Variants in CCDC93 observed in about 807,000 individuals in gnomAD.
CCDC93 encodes CCC complex scaffolding subunit CCDC93, also known as coiled-coil domain-containing protein 93.
In CCDC93, 61 loss-of-function variants were observed where a neutral mutation model predicts 108.2. The observed-to-expected ratio is 0.56, with a 90% CI of 0.46 to 0.70. The LOEUF (loss-of-function observed/expected upper bound fraction) is 0.70, where lower values mean the gene tolerates loss of function less well. CCDC93 is among the 30% of genes least tolerant of loss of function. CCDC93 has a pLI of 0.00. For missense variants in CCDC93, 685 were observed against 764.2 expected, an observed-to-expected ratio of 0.90 and a Z score of 1.22; for synonymous variants, 276 against 260.4, an observed-to-expected ratio of 1.06 and a Z score of -0.58.
chr2:118,008,434 AAC>A (rs1008443172), intron 2 of CCDC93, 109 bp downstream of exon 2: 2 of 682,680 alleles, frequency 2.9e-6, no homozygotes, highest in Admixed American at 2.7e-5. Flanking sequence ...AAGAAATGGA[AAC>A]ACAGACATGG....
chr2:118,005,805 CTTTT>C (rs1298752705), intron 3 of CCDC93, among the ~76,000 whole-genome samples: 2 of 149,764 alleles, frequency 1.3e-5, no homozygotes, highest in Non-Finnish European at 3.0e-5. Context: ...GCATATGCTT[CTTTT>C]GTCAACAAGA....
At position 117,994,304 on chromosome 2, in the gene CCDC93, C is replaced by T. The variant is rs1680575410; in HGVS notation, c.519+1142G>A. Among the ~76,000 whole-genome samples, 3 of 152,170 alleles carry T rather than the reference C, an allele frequency of 2.0e-5. No homozygotes were observed. The South Asian group carries it at 6.2e-4, about 31-fold the overall frequency. On this transcript the variant is annotated intron_variant, in intron 6 of 23. Transcript: ENST00000376300. The stretch of plus-strand genomic sequence containing the variant: ...ATTTCACAACCAGGAAAGAAAATTA[C>T]TCTGAGGTCATATCATTTTTTCTTG...
rs182876691 is a variant in CCDC93 at position 117,954,117 on chromosome 2, C to T, written c.1006-1682G>A. ...AAGACAAGGCTCTAGGAAAGGTCCC[C>T]GGGATCTTCCCACCTGCTTCACCCA... On this transcript the variant is annotated intron_variant, in intron 12 of 23. Transcript: ENST00000376300. Among the ~76,000 whole-genome samples the T allele has an allele frequency of 3.7e-3, 557 of 152,270 alleles. 6 individuals are homozygous for T. Among genetic ancestry groups the T allele is most frequent in the African/African-American group, 0.013 (530 of 41,538 alleles).
chr2:117,992,451 C>G (rs1680502085), intron 6 of CCDC93, among the ~76,000 whole-genome samples: 1 of 152,086 alleles, frequency 6.6e-6, no homozygotes, highest in Non-Finnish European at 1.5e-5. Flanking sequence ...ACCATATTGG[C>G]CAGGCTGGTC....
At chr2:117,938,204 G>GA (rs1021742020) in intron 20 of CCDC93, among the ~76,000 whole-genome samples, 7 of 152,130 alleles carry the variant, frequency 4.6e-5, no homozygotes, top group South Asian at 2.1e-4. Flanking sequence ...TTACAGGTGA[G>GA]AAAAAAGAGG....
intron 11 of CCDC93, among the ~76,000 whole-genome samples, chr2:117,968,254 T>A (rs187836844): frequency 2.9e-4 from 44 of 152,326 alleles, no homozygotes; most frequent in Non-Finnish European, 5.0e-4. Context: ...TTCTTCTGGC[T>A]CCTATCAAGC....
chr2:117,944,630 T>C (rs1048346261), intron 17 of CCDC93: 6 of 444,802 alleles, frequency 1.3e-5, no homozygotes, highest in Admixed American at 1.2e-4. Flanking sequence ...GTAAGAGACA[T>C]GGCTGGATGG....
chr2:117,980,938 G>C (rs371123948), intron 7 of CCDC93, among the ~76,000 whole-genome samples: 6 of 152,146 alleles, frequency 3.9e-5, no homozygotes, highest in Non-Finnish European at 8.8e-5. Flanking sequence ...TCATAGAAAT[G>C]AAATCACTCA....
At chr2:117,988,433 G>A (rs866802746) in intron 6 of CCDC93, among the ~76,000 whole-genome samples, 11 of 152,150 alleles carry the variant, frequency 7.2e-5, no homozygotes, top group African/African-American at 2.7e-4. Context: ...AATGGAGCAG[G>A]CAGTGAAACA....
At chr2:117,977,510 C>T (rs1411190114) in intron 8 of CCDC93, among the ~76,000 whole-genome samples, 4 of 152,196 alleles carry the variant, frequency 2.6e-5, no homozygotes, top group African/African-American at 9.7e-5. Flanking sequence ...CATTAATAAA[C>T]ACATAAATTA....
intron 17 of CCDC93, 151 bp from the exon 18 acceptor site, chr2:117,944,237 C>A: frequency 1.8e-6 from 1 of 568,376 alleles, no homozygotes; most frequent in Middle Eastern, 3.1e-4. Flanking sequence ...CTGTCTGGGT[C>A]CTGTCTCATA....
chr2:118,004,693 T>G lies in CCDC93; in HGVS notation c.251+2029A>C, dbSNP rs1433374257. 3.3e-5 allele frequency among the ~76,000 whole-genome samples: 5 copies of G among 152,172 alleles called. No individual in the cohort carries two copies. The East Asian group carries it at 9.6e-4, about 29-fold the overall frequency. ...CATGTCTTCTACAGATAATAAAGAA[T>G]GAGCTACCTGATGCACTGCTGACTC... On this transcript the variant is annotated intron_variant, in intron 3 of 23. Transcript: ENST00000376300.
chr2:118,002,567 A>G (rs890144579), intron 3 of CCDC93, among the ~76,000 whole-genome samples: 1 of 152,216 alleles, frequency 6.6e-6, no homozygotes, highest in South Asian at 2.1e-4. Flanking sequence ...TGTCAGATCC[A>G]ATGTGTTAAT....
chr2:117,933,927 A>C (rs1228088231), intron 22 of CCDC93: 1 of 152,044 alleles, frequency 6.6e-6, no homozygotes, highest in Non-Finnish European at 1.5e-5. Flanking sequence ...CAGACCAGAG[A>C]AAGAGAGCCC....
intron 4 of CCDC93, chr2:117,998,081 C>T (rs1046911730): frequency 6.6e-6 from 1 of 152,210 alleles, no homozygotes; most frequent in Non-Finnish European, 1.5e-5. Context: ...TTCCCTAGCA[C>T]TCAAGAAAAA....
At chr2:117,924,046 C>T (rs1677986383) in intron 23 of CCDC93, among the ~76,000 whole-genome samples, 1 of 152,200 alleles carries the variant, frequency 6.6e-6, no homozygotes, top group Non-Finnish European at 1.5e-5. Context: ...CAGCAAACTC[C>T]AACAGACCTG....
At position 117,977,930 on chromosome 2, in the gene CCDC93, C is replaced by T. The variant is rs17047608; in HGVS notation, c.657+64G>A. ...TGCTGCCCGGCTTGTGAGTGTTAGT[C>T]AGAGGTGAAGGGAGTCACTTCCATC... On this transcript the variant is annotated intron_variant, in intron 8 of 23. Transcript: ENST00000376300. The T allele has an allele frequency of 3.2e-6, 4 of 1,255,482 alleles. No homozygotes were observed. In the Admixed American group the frequency reaches 7.2e-5, roughly 22 times the overall value. The allele number at this position is 1,255,482 out of a possible 1,614,324, so 77.8% of individuals were successfully genotyped here.
chr2:117,951,600 G>A (rs1558779180), intron 13 of CCDC93: 11 of 1,000,046 alleles, frequency 1.1e-5, no homozygotes, highest in African/African-American at 1.7e-5. Context: ...CAGGAAGTAC[G>A]AGGTAGGGAC....
At chr2:117,944,246 T>C (rs1678798402) in intron 17 of CCDC93, among the ~76,000 whole-genome samples, 160 bp from the exon 18 acceptor site, 1 of 152,234 alleles carries the variant, frequency 6.6e-6, no homozygotes, top group African/African-American at 2.4e-5. Context: ...TCCTGTCTCA[T>C]ATGAGACCCT....
Sources: gnomAD v4.1 joint callset for allele counts (sites outside exome capture counted in the v4.1 genomes callset) on GRCh38, gnomAD v4.1.1 for gene constraint, MANE v1.5 for transcripts, NCBI Gene and HGNC (gene_info 2026-07-23, HGNC 2026-07-21) for gene names.